The following THSD7A variants were observed in gnomAD, a reference collection of about 807,000 sequenced individuals.
THSD7A encodes thrombospondin type 1 domain containing 7A, also known as thrombospondin type-1 domain-containing protein 7A.
Under a neutral mutation model 231.3 loss-of-function variants are expected in THSD7A, and 96 were observed. The ratio of observed to expected loss-of-function variants is 0.41; its 90% CI spans 0.35 to 0.49. The LOEUF is 0.49. Among genes scored for constraint, THSD7A ranks in the 20% least tolerant of loss-of-function variants. THSD7A has a pLI of 0.05. For missense variants in THSD7A, 2,290 were observed against 2,070.2 expected (o/e 1.11, Z -2.06); for synonymous variants, 940 against 743.3 (o/e 1.26, Z -4.30).
intron 11 of THSD7A, among the ~76,000 whole-genome samples, chr7:11,454,618 A>AT (rs1355138066): frequency 6.8e-6 from 1 of 147,926 alleles, no homozygotes; most frequent in Non-Finnish European, 1.5e-5. Context: ...CTACTACTGT[A>AT]TTATTATGAC....
intron 2 of THSD7A, among the ~76,000 whole-genome samples, chr7:11,606,560 A>C (rs1780740872): frequency 1.3e-5 from 2 of 152,160 alleles, no homozygotes; most frequent in African/African-American, 4.8e-5. Flanking sequence ...GCAATATTTC[A>C]TTTTTAGCCT....
At chr7:11,605,002 C>T (rs1780686377) in intron 2 of THSD7A, among the ~76,000 whole-genome samples, 2 of 151,842 alleles carry the variant, frequency 1.3e-5, no homozygotes, top group African/African-American at 4.8e-5. Context: ...TTAAAGTGGA[C>T]CTCGGTGGGA....
At chr7:11,694,546 A>T (rs1017896074) in intron 1 of THSD7A, among the ~76,000 whole-genome samples, 3 of 151,562 alleles carry the variant, frequency 2.0e-5, no homozygotes, top group Admixed American at 6.6e-5. Flanking sequence ...TTGCAGAGAG[A>T]GTAGCTGACT....
chr7:11,712,973 T>A (rs559013688), intron 1 of THSD7A, among the ~76,000 whole-genome samples: 1 of 151,160 alleles, frequency 6.6e-6, no homozygotes, highest in Non-Finnish European at 1.5e-5. Context: ...TTTCTCCGTC[T>A]TTTTTACTTC....
intron 1 of THSD7A, among the ~76,000 whole-genome samples, chr7:11,709,422 A>G (rs1315274639): frequency 6.6e-6 from 1 of 150,716 alleles, no homozygotes; most frequent in Non-Finnish European, 1.5e-5. Context: ...TTTCTAACTT[A>G]CCAGTCTCAT....
chr7:11,485,707 G>A (rs774946009), intron 6 of THSD7A, among the ~76,000 whole-genome samples: 2 of 152,160 alleles, frequency 1.3e-5, no homozygotes, highest in Non-Finnish European at 2.9e-5. Flanking sequence ...GAGAACTGAG[G>A]ATGCCAAGGC....
At chr7:11,748,306 G>A (rs1782378738) in intron 1 of THSD7A, among the ~76,000 whole-genome samples, 1 of 151,916 alleles carries the variant, frequency 6.6e-6, no homozygotes, top group East Asian at 1.9e-4. Context: ...GGTAACAGGA[G>A]AGTGAGATGA....
At chr7:11,527,574 T>C (rs1220628360) in intron 6 of THSD7A, among the ~76,000 whole-genome samples, 1 of 152,178 alleles carries the variant, frequency 6.6e-6, no homozygotes, top group Non-Finnish European at 1.5e-5. Context: ...TATCAAGAAA[T>C]CTTCCATAGA....
At chr7:11,423,420 G>C (rs1370749069) in intron 16 of THSD7A, among the ~76,000 whole-genome samples, 3 of 149,314 alleles carry the variant, frequency 2.0e-5, no homozygotes, top group Non-Finnish European at 4.4e-5. Flanking sequence ...CCAGGCTGGA[G>C]TGCAGTGGCG....
rs2115369837 is a variant in THSD7A at position 11,406,547 on chromosome 7, T to G, written c.4063-73A>C. On this transcript the variant is annotated intron_variant, in intron 21 of 27. Transcript: ENST00000423059. The surrounding 1 kb of genome is among the most constrained non-coding windows in gnomAD (Gnocchi z 4.7). ...TTAGAGAGCTCATCACTTAGTTATC[T>G]CTGCACCACTGACTTTGATTTATGA... The G allele has an allele frequency of 7.1e-7, 1 of 1,405,070 alleles. No homozygotes were observed. The highest frequency in any genetic ancestry group is 1.5e-5 in the South Asian group (1 of 67,600). 87.0% of individuals were successfully genotyped at this position (1,405,070 alleles called of 1,614,324 possible). A position where few individuals can be genotyped will look rare whatever the true frequency, so the allele number is the denominator to read the frequency against.
intron 11 of THSD7A, 39 bp from the exon 12 acceptor site, chr7:11,447,463 C>T (rs200607113): frequency 1.0e-4 from 147 of 1,441,296 alleles, no homozygotes; most frequent in Non-Finnish European, 4.6e-5. Context: ...CAAATTCAAA[C>T]GTCTAATTAC....
chr7:11,499,938 G>C (rs1391523468), intron 6 of THSD7A, among the ~76,000 whole-genome samples: 1 of 152,106 alleles, frequency 6.6e-6, no homozygotes, highest in Non-Finnish European at 1.5e-5. Context: ...TTGCTAGAGA[G>C]GCCAACAGTC....
chr7:11,418,423 T>C (rs562215756), intron 16 of THSD7A, among the ~76,000 whole-genome samples: 31 of 152,194 alleles, frequency 2.0e-4, no homozygotes, highest in Non-Finnish European at 4.1e-4. Flanking sequence ...ATAATCTCTC[T>C]GGGCACTTAA....
At chr7:11,468,177 G>C (rs1395415400) in intron 9 of THSD7A, among the ~76,000 whole-genome samples, 1 of 151,966 alleles carries the variant, frequency 6.6e-6, no homozygotes, top group Non-Finnish European at 1.5e-5. Context: ...GGAATTATTA[G>C]TAAATGAACA....
At chr7:11,501,302 T>G (rs1787328258) in intron 6 of THSD7A, among the ~76,000 whole-genome samples, 2 of 152,136 alleles carry the variant, frequency 1.3e-5, no homozygotes, top group Admixed American at 6.6e-5. Context: ...TACAGAAATC[T>G]CCACCCAAAA....
chr7:11,788,240 T>C (rs1048967891), intron 1 of THSD7A, among the ~76,000 whole-genome samples: 9 of 152,092 alleles, frequency 5.9e-5, no homozygotes, highest in African/African-American at 2.2e-4. Flanking sequence ...GTATCTTCCT[T>C]CCACAGTTCT....
At chr7:11,610,459 C>T (rs914905531) in intron 2 of THSD7A, among the ~76,000 whole-genome samples, 16 of 151,974 alleles carry the variant, frequency 1.1e-4, no homozygotes, top group Admixed American at 1.3e-4. Context: ...TGTAATAAAA[C>T]GAGAGAAGCA....
chr7:11,645,298 AAC>A, intron 1 of THSD7A, among the ~76,000 whole-genome samples: 1 of 151,890 alleles, frequency 6.6e-6, no homozygotes, highest in African/African-American at 2.4e-5. Context: ...TTGAGATACT[AAC>A]ATTTTCTCTG....
intron 1 of THSD7A, among the ~76,000 whole-genome samples, chr7:11,801,633 C>G (rs1784280902): frequency 6.6e-6 from 1 of 151,882 alleles, no homozygotes; most frequent in African/African-American, 2.4e-5. Context: ...CATATAACTT[C>G]AAATTTATAA....
Sources: gnomAD v4.1 joint callset for allele counts (sites outside exome capture counted in the v4.1 genomes callset) on GRCh38, gnomAD v4.1.1 for gene constraint, Gnocchi (gnomAD v3.1) non-coding constraint, MANE v1.5 for transcripts, NCBI Gene and HGNC (gene_info 2026-07-23, HGNC 2026-07-21) for gene names.